PAPPA2: variants seen among roughly 807,000 people sequenced by gnomAD.
PAPPA2 encodes the protein pappalysin-2.
Under a neutral mutation model 176.4 loss-of-function variants are expected in PAPPA2, and 86 were observed. That is an observed-to-expected ratio of 0.49 (90% CI 0.41 to 0.58). The LOEUF (loss-of-function observed/expected upper bound fraction) is 0.58, where lower values mean the gene tolerates loss of function less well. Among genes scored for constraint, PAPPA2 ranks in the 20% least tolerant of loss-of-function variants. PAPPA2 has a pLI of 0.00. For synonymous variants in PAPPA2, 809 were observed against 852.2 expected (o/e 0.95, Z 0.88); for missense variants, 2,073 against 2,256.9 (o/e 0.92, Z 1.65).
Position 176,791,478 on chromosome 1 carries a change from G to T in PAPPA2, c.5016G>T (p.Gly1672=), listed in dbSNP as rs1557874216. 3.1e-6 allele frequency: 5 copies of T among 1,613,554 alleles called. No homozygotes were observed. The South Asian group carries it at 4.4e-5, about 14-fold the overall frequency. ...SVEYKCEQGY[G]IGAVCSPLCV... ...AGTACAAATGTGAACAAGGATATGG[G>T]ATTGGTAAGGATAGGAGTGAATCTT... Residue 1672 remains glycine (G), a synonymous_variant, in exon 19 of 23, where the codon GGG becomes GGT. Coordinates refer to ENST00000367662, the MANE Select transcript of PAPPA2 (RefSeq NM_020318.3).
chr1:176,632,084 T>G (rs550906966), intron 3 of PAPPA2, among the ~76,000 whole-genome samples: 4 of 152,094 alleles, frequency 2.6e-5, no homozygotes, highest in Admixed American at 2.6e-4. Context: ...TAAGGTTGAG[T>G]GGAATTTGGC....
At chr1:176,475,434 G>A (rs1652068275) in intron 1 of PAPPA2, among the ~76,000 whole-genome samples, 1 of 152,108 alleles carries the variant, frequency 6.6e-6, no homozygotes, top group Non-Finnish European at 1.5e-5. Flanking sequence ...TGGCCTCAGT[G>A]CATCCTTACA....
intron 3 of PAPPA2, among the ~76,000 whole-genome samples, chr1:176,626,889 C>CT (rs547179481): frequency 0.049 from 6,254 of 127,728 alleles, 204 homozygotes; most frequent in South Asian, 0.17. Context: ...CCTGTTTTTC[C>CT]TTTTTTTTTT....
At chr1:176,501,311 C>T (rs528251534) in intron 1 of PAPPA2, among the ~76,000 whole-genome samples, 8 of 152,164 alleles carry the variant, frequency 5.3e-5, no homozygotes, top group Middle Eastern at 3.4e-3. Flanking sequence ...CAATTAGTCT[C>T]TATTATTTTG....
rs528070261 is a variant in PAPPA2, at chr1:176,612,412, A to C, written c.1991+16817A>C. 1.6e-4 allele frequency among the ~76,000 whole-genome samples: 25 copies of C among 152,202 alleles called. No homozygotes were observed. In the East Asian group the frequency reaches 4.4e-3, roughly 27 times the overall value. On this transcript the variant is annotated intron_variant, in intron 3 of 22. Transcript: ENST00000367662. ...CTGTCTCAAAAAAAAACCAAAAACC[A>C]AAAAACAACAACGACAGCAAAAAAA...
Position 176,804,461 on chromosome 1 carries a change from A to G in PAPPA2, c.5202+4329A>G, listed in dbSNP as rs1000429559. Among the ~76,000 whole-genome samples, 11 of 152,280 alleles carry G rather than the reference A, an allele frequency of 7.2e-5. No homozygotes were observed. The East Asian group carries it at 1.9e-3, about 27-fold the overall frequency. On this transcript the variant is annotated intron_variant, in intron 21 of 22. Transcript: ENST00000367662. ...CATACAGTGCACAGTATAGCCCACA[A>G]CAAAGAATTATCCTGCCCCAAATGC...
chr1:176,682,556 A>G (rs1659635560), intron 4 of PAPPA2, among the ~76,000 whole-genome samples: 1 of 152,200 alleles, frequency 6.6e-6, no homozygotes, highest in Non-Finnish European at 1.5e-5. Context: ...GTCTTGATGC[A>G]GGCATACAAT....
chr1:176,603,239 G>A (rs1018239634), intron 3 of PAPPA2, among the ~76,000 whole-genome samples: 1 of 152,226 alleles, frequency 6.6e-6, no homozygotes, highest in Non-Finnish European at 1.5e-5. Context: ...TGTTTCAGAT[G>A]ATTTCACTTA....
intron 3 of PAPPA2, among the ~76,000 whole-genome samples, chr1:176,626,545 A>G (rs997695639): frequency 1.3e-5 from 2 of 152,218 alleles, no homozygotes; most frequent in Admixed American, 6.5e-5. Flanking sequence ...CAAAACAAAC[A>G]TTGAAGGTGG....
intron 21 of PAPPA2, among the ~76,000 whole-genome samples, chr1:176,817,586 T>G (rs1339234192): frequency 6.6e-6 from 1 of 152,082 alleles, no homozygotes; most frequent in Non-Finnish European, 1.5e-5. Context: ...GCACCAATAG[T>G]ATAGATAGGA....
At chr1:176,832,398 C>A (rs1667112541) in intron 21 of PAPPA2, among the ~76,000 whole-genome samples, 1 of 152,140 alleles carries the variant, frequency 6.6e-6, no homozygotes, top group Admixed American at 6.5e-5. Flanking sequence ...TCACTCTCAC[C>A]CAGGAGGAGT....
chr1:176,750,370 C>G (rs969052688), intron 14 of PAPPA2, among the ~76,000 whole-genome samples: 1 of 152,024 alleles, frequency 6.6e-6, no homozygotes, highest in African/African-American at 2.4e-5. Context: ...CTTGGGAGGC[C>G]AAGGCAGGAG....
At chr1:176,520,481 A>T (rs535265515) in intron 1 of PAPPA2, among the ~76,000 whole-genome samples, 1 of 152,232 alleles carries the variant, frequency 6.6e-6, no homozygotes, top group South Asian at 2.1e-4. Context: ...CCAGTGATAC[A>T]TGGCTATCAC....
chr1:176,680,314 AT>A (rs201930922), intron 4 of PAPPA2, among the ~76,000 whole-genome samples: 14 of 150,790 alleles, frequency 9.3e-5, no homozygotes, highest in East Asian at 3.9e-4. Context: ...GCGAGTGTTC[AT>A]TTTTTTTTGT....
At chr1:176,629,154 C>G (rs1257173166) in intron 3 of PAPPA2, among the ~76,000 whole-genome samples, 1 of 152,164 alleles carries the variant, frequency 6.6e-6, no homozygotes, top group African/African-American at 2.4e-5. Flanking sequence ...GGTGGACACA[C>G]AGTTGGCAGG....
intron 4 of PAPPA2, among the ~76,000 whole-genome samples, chr1:176,682,909 A>G (rs1659653809): frequency 6.6e-6 from 1 of 151,310 alleles, no homozygotes; most frequent in African/African-American, 2.4e-5. Context: ...CCAGCCCTCA[A>G]CCTCCCCGTT....
intron 14 of PAPPA2, among the ~76,000 whole-genome samples, chr1:176,764,709 G>T (rs1292781905): frequency 6.6e-6 from 1 of 151,296 alleles, no homozygotes; most frequent in Non-Finnish European, 1.5e-5. Context: ...CCATTCTCCT[G>T]CCTCAGCCTC....
At chr1:176,780,939 C>T (rs1664684706) in intron 17 of PAPPA2, among the ~76,000 whole-genome samples, 1 of 152,084 alleles carries the variant, frequency 6.6e-6, no homozygotes, top group African/African-American at 2.4e-5. Context: ...CTATTGTATA[C>T]ATTTGTGTTT....
At position 176,555,877 on chromosome 1, in the gene PAPPA2, G is replaced by C. The variant is rs971962967; in HGVS notation, c.-446G>C. 1 of 160,946 alleles carries C rather than the reference G, an allele frequency of 6.2e-6. No individual in the cohort carries two copies. 10.0% of individuals were successfully genotyped at this position (160,946 alleles called of 1,614,324 possible). On this transcript the variant is annotated 5_prime_UTR_variant, in exon 2 of 23. Coordinates refer to ENST00000367662, the MANE Select transcript of PAPPA2 (RefSeq NM_020318.3). ...TGAATGACTTCAGGTAGCGAGGAGT[G>C]TGTGTTTGTGAGTGTGTATTTGAGA...
Sources: gnomAD v4.1 joint callset for allele counts (sites outside exome capture counted in the v4.1 genomes callset) on GRCh38, gnomAD v4.1.1 for gene constraint, MANE v1.5 for transcripts, NCBI Gene and HGNC (gene_info 2026-07-23, HGNC 2026-07-21) for gene names.